RALGPS1: variants seen among roughly 807,000 people sequenced by gnomAD.
RALGPS1 encodes Ral GEF with PH domain and SH3 binding motif 1.
A neutral mutation model predicts 78.8 loss-of-function variants in RALGPS1; 19 were observed. That is an observed-to-expected ratio of 0.24 (90% confidence interval 0.17 to 0.35). The LOEUF is 0.35. Among genes scored for constraint, RALGPS1 ranks in the 10% least tolerant of loss-of-function variants. The probability of loss-of-function intolerance (pLI) is 1.00; values close to 1 mark genes in which losing one functional copy is unlikely to be tolerated. For missense variants in RALGPS1, 454 were observed against 688.3 expected, an observed-to-expected ratio of 0.66 and a Z score of 3.81; for synonymous variants, 228 against 256.3, an observed-to-expected ratio of 0.89 and a Z score of 1.06.
chr9:127,059,173 C>T (rs146774142), intron 7 of RALGPS1, among the ~76,000 whole-genome samples: 29 of 152,288 alleles, frequency 1.9e-4, no homozygotes, highest in Admixed American at 5.9e-4. Context: ...CCAGGAAGTG[C>T]CCTTTGCCCC....
intron 8 of RALGPS1, among the ~76,000 whole-genome samples, chr9:127,115,091 C>A (rs1441903647): frequency 1.3e-5 from 2 of 152,214 alleles, no homozygotes; most frequent in Non-Finnish European, 2.9e-5. Flanking sequence ...GGGTGCCCAG[C>A]TGTACTCTAT....
At chr9:127,015,752 G>A (rs1232165163) in intron 4 of RALGPS1, among the ~76,000 whole-genome samples, 1 of 151,996 alleles carries the variant, frequency 6.6e-6, no homozygotes, top group African/African-American at 2.4e-5. Flanking sequence ...GAAAACATGT[G>A]GGACACTTCA....
intron 8 of RALGPS1, among the ~76,000 whole-genome samples, chr9:127,106,386 C>T (rs1162820608): frequency 6.6e-6 from 1 of 152,214 alleles, no homozygotes; most frequent in Non-Finnish European, 1.5e-5. Context: ...CTGTTTATTT[C>T]AGTCTCCTTG....
At chr9:127,011,018 G>C (rs62580799) in intron 4 of RALGPS1, among the ~76,000 whole-genome samples, 3,555 of 152,174 alleles carry the variant, frequency 0.023, 46 homozygotes, top group Middle Eastern at 0.048. Context: ...ACCTCCTCTG[G>C]GGTGGAAGGA....
intron 18 of RALGPS1, among the ~76,000 whole-genome samples, chr9:127,215,773 C>T (rs2062543973): frequency 6.6e-6 from 1 of 152,244 alleles, no homozygotes; most frequent in South Asian, 2.1e-4. Context: ...GCTGAAGCCT[C>T]CTGCTCCCTG....
At chr9:127,099,494 G>A (rs755076674) in intron 8 of RALGPS1, among the ~76,000 whole-genome samples, 3 of 152,180 alleles carry the variant, frequency 2.0e-5, no homozygotes, top group Non-Finnish European at 2.9e-5. Flanking sequence ...GCCACGGCAC[G>A]TGGCCTGCTT....
chr9:127,017,317 A>G (rs2044943712), intron 4 of RALGPS1, among the ~76,000 whole-genome samples: 1 of 152,246 alleles, frequency 6.6e-6, no homozygotes, highest in Non-Finnish European at 1.5e-5. Flanking sequence ...TGAGTAATGC[A>G]GGCAAGTGTA....
At position 126,931,945 on chromosome 9, in the gene RALGPS1, G is replaced by A. The variant is rs186818747; in HGVS notation, c.-66+16970G>A. 1.9e-3 allele frequency among the ~76,000 whole-genome samples: 286 copies of A among 151,472 alleles called. 2 individuals are homozygous for A. The highest frequency in any genetic ancestry group is 6.0e-3 in the South Asian group (29 of 4,800). The stretch of plus-strand genomic sequence containing the variant: ...CTGCCTCAAAGTTGAGTTGATAGAG[G>A]AGCAATGTGTTGGGATTAGCATAGT... On this transcript the variant is annotated intron_variant, in intron 1 of 18. Transcript: ENST00000259351.
At chr9:127,041,341 C>T (rs748196481) in intron 5 of RALGPS1, among the ~76,000 whole-genome samples, 6 of 152,126 alleles carry the variant, frequency 3.9e-5, no homozygotes, top group African/African-American at 7.2e-5. Context: ...CTGCCTACCT[C>T]GGCCTCCTGA....
intron 1 of RALGPS1, among the ~76,000 whole-genome samples, chr9:126,958,142 A>AAAAAAAATATATATAT (rs113413659): frequency 6.8e-4 from 52 of 77,008 alleles, no homozygotes; most frequent in South Asian, 4.2e-3. Flanking sequence ...AAAAAAAAAA[A>AAAAAAAATATATATAT]ATATATATAT....
At chr9:127,207,796 G>A (rs562991782) in intron 14 of RALGPS1, among the ~76,000 whole-genome samples, 273 of 152,292 alleles carry the variant, frequency 1.8e-3, no homozygotes, top group Middle Eastern at 0.017. Context: ...TGTTCCTAAA[G>A]GCTGGCCTGG....
intron 10 of RALGPS1, among the ~76,000 whole-genome samples, chr9:127,173,696 G>A (rs2059682829): frequency 6.6e-6 from 1 of 152,164 alleles, no homozygotes; most frequent in African/African-American, 2.4e-5. Context: ...TGATCATGGG[G>A]AGTGCAGTGT....
At chr9:127,017,646 CTT>C (rs1220069365) in intron 4 of RALGPS1, among the ~76,000 whole-genome samples, 3 of 152,144 alleles carry the variant, frequency 2.0e-5, no homozygotes, top group Non-Finnish European at 2.9e-5. Flanking sequence ...CTTTTTGACT[CTT>C]TTGTAATAAC....
At chr9:127,206,045 GC>G (rs2061913755) in intron 14 of RALGPS1, among the ~76,000 whole-genome samples, 5 of 152,258 alleles carry the variant, frequency 3.3e-5, no homozygotes, top group African/African-American at 7.2e-5. Context: ...ACAACCCAGG[GC>G]CCAGCAGAAT....
At chr9:127,100,225 T>C (rs1481403556) in intron 8 of RALGPS1, among the ~76,000 whole-genome samples, 1 of 152,216 alleles carries the variant, frequency 6.6e-6, no homozygotes, top group Admixed American at 6.5e-5. Context: ...AAAGCAAAAG[T>C]ATTAAATCCT....
chr9:127,171,192 A>G (rs2059549064), intron 10 of RALGPS1, among the ~76,000 whole-genome samples: 1 of 152,224 alleles, frequency 6.6e-6, no homozygotes, highest in Non-Finnish European at 1.5e-5. Context: ...AAGCATGACC[A>G]TTAGCATTAA....
chr9:127,108,423 G>T (rs141794341), intron 8 of RALGPS1: 1 of 1,608,310 alleles, frequency 6.2e-7, no homozygotes, highest in East Asian at 2.2e-5. Flanking sequence ...GCAGCGTCTC[G>T]ATCTGCCGCT....
Position 127,179,209 on chromosome 9 carries a change from TGAA to T in RALGPS1, c.910+4429_910+4431del, listed in dbSNP as rs561608346. On this transcript the variant is annotated intron_variant, in intron 11 of 18. Coordinates refer to ENST00000259351, the MANE Select transcript of RALGPS1 (RefSeq NM_014636.3). Reference sequence around the variant, plus strand: ...TGGCTTCAGCCCTGGAAGCAGGATGTGAAGGTTTTCATTGATCACTAGAGGGTC... The same window carrying T: ...TGGCTTCAGCCCTGGAAGCAGGATGTGGTTTTCATTGATCACTAGAGGGTC... Among the ~76,000 whole-genome samples, 124 of 152,338 alleles carry T rather than the reference TGAA, an allele frequency of 8.1e-4. 1 individual carries two copies. The highest frequency in any genetic ancestry group is 2.8e-3 in the African/African-American group (115 of 41,572).
At chr9:126,979,196 G>C (rs770873585) in intron 4 of RALGPS1, among the ~76,000 whole-genome samples, 53 of 151,832 alleles carry the variant, frequency 3.5e-4, no homozygotes, top group Non-Finnish European at 7.1e-4. Flanking sequence ...GCTTTGTTCA[G>C]CATTTATGTG....
Sources: allele counts gnomAD v4.1 joint callset (sites outside exome capture counted in the v4.1 genomes callset), GRCh38; gene constraint gnomAD v4.1.1; transcripts MANE v1.5; gene names NCBI Gene and HGNC (gene_info 2026-07-23, HGNC 2026-07-21).